The following RAD50 variants were observed in gnomAD, a reference collection of about 807,000 sequenced individuals.
RAD50 encodes the protein DNA repair protein RAD50.
In RAD50, 132 loss-of-function variants were observed where a neutral mutation model predicts 168.8. That is an observed-to-expected ratio of 0.78 (90% CI 0.68 to 0.90). The LOEUF (loss-of-function observed/expected upper bound fraction) is 0.90. RAD50 is among the 40% of genes least tolerant of loss of function. The pLI, the probability that RAD50 is intolerant of heterozygous loss-of-function variation, is 0.00. For missense variants in RAD50, 1,347 were observed against 1,534.4 expected (o/e 0.88, Z 2.04); for synonymous variants, 525 against 497.4 (o/e 1.06, Z -0.74).
chr5:132,579,408 A>G lies in RAD50; in HGVS notation c.457A>G (p.Asn153Asp), dbSNP rs1750462712. Residue 153 changes from asparagine (N) to aspartate (D), a missense_variant, in exon 4 of 25, where the codon AAT becomes GAT. Coordinates refer to ENST00000378823, the MANE Select transcript of RAD50 (RefSeq NM_005732.4). ...SLGVSKAVLN[N>D]VIFCHQEDSN... is the part of the protein sequence containing the mutation. Reference sequence around the variant, plus strand: ...TGGGGTTTCCAAGGCTGTGCTAAATAATGTCATTTTCTGTCATCAAGAAGA... The same window carrying G: ...TGGGGTTTCCAAGGCTGTGCTAAATGATGTCATTTTCTGTCATCAAGAAGA... 4 of 1,613,822 alleles carry G rather than the reference A, an allele frequency of 2.5e-6. No homozygotes were observed. Among genetic ancestry groups the G allele is most frequent in the Non-Finnish European group, 3.4e-6 (4 of 1,179,754 alleles).
At chr5:132,607,084 A>G (rs1032243182) in intron 16 of RAD50, among the ~76,000 whole-genome samples, 2 of 152,204 alleles carry the variant, frequency 1.3e-5, no homozygotes, top group African/African-American at 2.4e-5. Context: ...TGAAAATGGT[A>G]TAATAATTAT....
intron 19 of RAD50, 135 bp from the exon 20 acceptor site, chr5:132,615,868 C>A: frequency 2.3e-6 from 2 of 887,576 alleles, no homozygotes; most frequent in Non-Finnish European, 3.6e-6. Context: ...TTCACACTGG[C>A]TTATTCTCCC....
intron 2 of RAD50, among the ~76,000 whole-genome samples, chr5:132,569,823 G>A (rs543722490): frequency 4.6e-5 from 7 of 152,056 alleles, no homozygotes; most frequent in African/African-American, 7.2e-5. Context: ...AAAAGTATCC[G>A]GAAAATCCCC....
At chr5:132,635,005 T>C (rs1238484355) in intron 21 of RAD50, among the ~76,000 whole-genome samples, 2 of 152,228 alleles carry the variant, frequency 1.3e-5, no homozygotes, top group Non-Finnish European at 1.5e-5. Context: ...ATGTTTCTCC[T>C]TGCTGTGTCA....
chr5:132,645,444 T>C lies in RAD50; in HGVS notation c.*3080T>C, dbSNP rs56714829. 3,409 of 152,596 alleles carry C rather than the reference T, an allele frequency of 0.022. 146 individuals are homozygous for C. The highest frequency in any genetic ancestry group is 0.078 in the African/African-American group (3,250 of 41,562). 9.5% of individuals were successfully genotyped at this position (152,596 alleles called of 1,614,324 possible). A position where few individuals can be genotyped will look rare whatever the true frequency, so the allele number is the denominator to read the frequency against. On this transcript the variant is annotated 3_prime_UTR_variant, in exon 25 of 25. Transcript: ENST00000378823. ...CTTTGCTGTTTCCTCCTCATTTCCC[T>C]GGCCCCTCAATGTCACAGGTTTTAG...
intron 16 of RAD50, among the ~76,000 whole-genome samples, chr5:132,605,596 C>T (rs1253219679): frequency 1.3e-5 from 2 of 152,124 alleles, no homozygotes; most frequent in Non-Finnish European, 2.9e-5. Context: ...GCAGCCTTGG[C>T]CTCCCAAAAT....
Position 132,594,986 on chromosome 5 carries a change from T to G in RAD50, c.1911T>G (p.Asp637Glu). ...DKLFDVCGSQDFESDLDRLKE... is the reference protein window; with the variant it reads ...DKLFDVCGSQEFESDLDRLKE... ...TGTTTGATGTTTGTGGTAGCCAGGA[T>G]TTTGAAAGTGATTTAGACAGGCTTA... is the stretch of plus-strand genomic sequence containing the variant. The change falls in exon 12 of 25, where the codon GAT (aspartate) becomes GAG (glutamate). Residue 637 changes from aspartate to glutamate, a missense_variant. Asp to Glu is a conservative substitution (Grantham distance 45). Transcript: ENST00000378823. 6.2e-7 allele frequency: 1 copy of G among 1,613,894 alleles called. No homozygotes were observed. Among genetic ancestry groups the G allele is most frequent in the Non-Finnish European group, 8.5e-7 (1 of 1,179,792 alleles).
intron 3 of RAD50, among the ~76,000 whole-genome samples, chr5:132,578,676 A>C (rs1460131947): frequency 6.6e-6 from 1 of 151,116 alleles, no homozygotes; most frequent in African/African-American, 2.4e-5. Flanking sequence ...ACAGGTGCCC[A>C]CCACCACACC....
chr5:132,575,674 TTTTG>T, intron 2 of RAD50, 99 bp from the exon 3 acceptor site: 1 of 1,121,532 alleles, frequency 8.9e-7, no homozygotes, highest in Non-Finnish European at 1.3e-6. Flanking sequence ...ATGTTTTTCT[TTTTG>T]TTCCCTCATT....
chr5:132,605,072 T>A, intron 16 of RAD50, 73 bp downstream of exon 16: 1 of 1,188,638 alleles, frequency 8.4e-7, no homozygotes, highest in Non-Finnish European at 1.1e-6. Context: ...TTTGAGACAG[T>A]CTCGTTCTGT....
chr5:132,624,903 C>G (rs941165067), intron 21 of RAD50, among the ~76,000 whole-genome samples: 5 of 142,846 alleles, frequency 3.5e-5, no homozygotes, highest in Non-Finnish European at 4.5e-5. Flanking sequence ...ATCACCAAAA[C>G]TTCTATTTGG....
intron 21 of RAD50, among the ~76,000 whole-genome samples, chr5:132,627,122 C>T (rs1390614626): frequency 1.4e-4 from 21 of 152,128 alleles, no homozygotes; most frequent in Admixed American, 1.4e-3. Flanking sequence ...CTCAAGTGAT[C>T]CACCCTCCTC....
chr5:132,588,202 T>C, intron 7 of RAD50, 113 bp downstream of exon 7: 2 of 1,195,596 alleles, frequency 1.7e-6, no homozygotes, highest in Non-Finnish European at 2.4e-6. Flanking sequence ...CTTAAAAGGC[T>C]ATACACAGTA....
In RAD50 at chr5:132,618,133, G is replaced by A. The variant is rs140891646; in HGVS notation, c.3228G>A (p.Gly1076=). The A allele has an allele frequency of 4.3e-6, 7 of 1,613,830 alleles. No individual in the cohort carries two copies. The African/African-American group carries it at 6.7e-5, about 15-fold the overall frequency. Residue 1076 remains glycine, a synonymous_variant, in exon 21 of 25, where the codon GGG becomes GGA. Transcript: ENST00000378823. ...AAAGAAATCATAATTTGGCATTAGG[G>A]CGACAGAAAGGTTATGAAGAAGAAA... ...NIKRNHNLAL[G]RQKGYEEEII... is the part of the protein sequence containing the mutation.
chr5:132,630,102 G>T (rs545122166), intron 21 of RAD50, among the ~76,000 whole-genome samples: 3 of 150,308 alleles, frequency 2.0e-5, no homozygotes, highest in Non-Finnish European at 3.0e-5. Context: ...GACTCCAATG[G>T]TGCGATCTCA....
At chr5:132,620,745 T>G (rs1751271287) in intron 21 of RAD50, among the ~76,000 whole-genome samples, 2 of 152,220 alleles carry the variant, frequency 1.3e-5, no homozygotes. Context: ...AGAACTTAAC[T>G]ACTAATAGCC....
intron 7 of RAD50, 137 bp downstream of exon 7, chr5:132,588,226 A>G: frequency 9.5e-7 from 1 of 1,053,798 alleles, no homozygotes; most frequent in African/African-American, 1.6e-5. Flanking sequence ...TTCCATTTAT[A>G]TAACATTTTT....
Position 132,557,169 on chromosome 5 carries a change from G to A in RAD50, c.-156G>A, listed in dbSNP as rs1161821207. The A allele has an allele frequency of 3.0e-6, 3 of 1,009,454 alleles. No homozygotes were observed. The highest frequency in any genetic ancestry group is 4.1e-5 in the Admixed American group (2 of 49,338). The allele number at this position is 1,009,454 out of a possible 1,614,324, so 62.5% of individuals were successfully genotyped here. ...CGCCCCCTCTCTCCCGCTGTTGGCT[G>A]GCAGGATCTTTTGGCAGTCCTGTGG... On this transcript the variant is annotated 5_prime_UTR_variant, in exon 1 of 25. Transcript: ENST00000378823.
intron 21 of RAD50, among the ~76,000 whole-genome samples, chr5:132,635,635 T>C (rs929234395): frequency 6.6e-6 from 1 of 152,248 alleles, no homozygotes; most frequent in Non-Finnish European, 1.5e-5. Flanking sequence ...TGGCCACCCC[T>C]GCCTTGTCTG....
Sources: allele counts gnomAD v4.1 joint callset (sites outside exome capture counted in the v4.1 genomes callset), GRCh38; gene constraint gnomAD v4.1.1; transcripts MANE v1.5; gene names NCBI Gene and HGNC (gene_info 2026-07-23, HGNC 2026-07-21).